SLC12A6: variants seen among roughly 807,000 people sequenced by gnomAD.
SLC12A6 encodes the protein K-Cl cotransporter 3.
In SLC12A6, 66 loss-of-function variants were observed where a neutral mutation model predicts 135.3. The observed-to-expected ratio is 0.49, with a 90% CI of 0.40 to 0.60. SLC12A6 has a LOEUF of 0.60. Among genes scored for constraint, SLC12A6 ranks in the 20% least tolerant of loss-of-function variants. The probability of loss-of-function intolerance (pLI) is 0.00; values close to 1 mark genes in which losing one functional copy is unlikely to be tolerated. For missense variants in SLC12A6, 1,058 were observed against 1,452.3 expected (o/e 0.73, Z 4.41); for synonymous variants, 513 against 508.8 (o/e 1.01, Z -0.11).
rs377182155 is a variant in SLC12A6, at chr15:34,250,739, T to C, written c.1493-10A>G. 93 of 1,546,422 alleles carry C rather than the reference T, an allele frequency of 6.0e-5. No individual in the cohort carries two copies. The highest frequency in any genetic ancestry group is 7.6e-5 in the Non-Finnish European group (85 of 1,118,564). On this transcript the variant is annotated splice_polypyrimidine_tract_variant and intron_variant, in intron 11 of 25. Transcript: ENST00000354181. Reference sequence around the variant, plus strand: ...GATCCAGCCATGATACCTTTAGAGATAAGGGGGAAAAAACCAAGTTAACTT... The same window carrying C: ...GATCCAGCCATGATACCTTTAGAGACAAGGGGGAAAAAACCAAGTTAACTT...
intron 3 of SLC12A6, among the ~76,000 whole-genome samples, chr15:34,262,556 G>A (rs1002161784): frequency 5.9e-5 from 9 of 152,166 alleles, no homozygotes; most frequent in East Asian, 1.9e-4. Context: ...CCCACGCGAC[G>A]GGAAGCAGCA....
chr15:34,291,944 G>A (rs1011914647), intron 2 of SLC12A6, among the ~76,000 whole-genome samples: 13 of 151,948 alleles, frequency 8.6e-5, no homozygotes, highest in Non-Finnish European at 1.3e-4. Flanking sequence ...CCTTTAGCTC[G>A]GAGAAGTTTG....
At position 34,285,786 on chromosome 15, in the gene SLC12A6, A is replaced by G. The variant is rs890020037; in HGVS notation, c.272-10397T>C. On this transcript the variant is annotated intron_variant, in intron 2 of 25. Coordinates refer to ENST00000354181, the MANE Select transcript of SLC12A6 (RefSeq NM_001365088.1). ...AATTCAGACACATGCTACAACATGG[A>G]TGAATCTTGACAGCAATACACTAAA... 1.5e-4 allele frequency among the ~76,000 whole-genome samples: 23 copies of G among 150,794 alleles called. 1 individual carries two copies. The highest frequency in any genetic ancestry group is 1.3e-3 in the Admixed American group (19 of 15,088).
chr15:34,255,366 G>C lies in SLC12A6; in HGVS notation c.772C>G (p.Arg258Gly). The change falls in exon 8 of 26, where the codon CGG becomes GGG. Residue 258 changes from arginine to glycine, a missense_variant. By Grantham distance (125) the Arg-to-Gly change is moderately radical (BLOSUM62 -2). Transcript: ENST00000354181. The stretch of plus-strand genomic sequence containing the variant: ...CCACCAAACTCTGGGCCCAGTGCCC[G>C]GGAAATCATAAAGTATGAGCCCCCA... The part of the protein sequence containing the change: ...PAGGSYFMIS[R>G]ALGPEFGGAV... 1 of 1,609,976 alleles carries C rather than the reference G, an allele frequency of 6.2e-7. No homozygotes were observed. Among genetic ancestry groups the C allele is most frequent in the Non-Finnish European group, 8.5e-7 (1 of 1,176,200 alleles).
At chr15:34,284,768 A>G (rs1484728603) in intron 2 of SLC12A6, among the ~76,000 whole-genome samples, 1 of 152,190 alleles carries the variant, frequency 6.6e-6, no homozygotes, top group Non-Finnish European at 1.5e-5. Context: ...AAACAAACAA[A>G]AAAGCTGAGT....
In SLC12A6 at chr15:34,237,412, T is replaced by C. The variant is rs1891342601; in HGVS notation, c.2934+7A>G. 6.2e-7 allele frequency: 1 copy of C among 1,611,218 alleles called. No individual in the cohort carries two copies. Among genetic ancestry groups the C allele is most frequent in the South Asian group, 1.1e-5 (1 of 90,928 alleles). ...AACCTCTTGTATCTCAAACTCAGCT[T>C]TCTCACCATCTCCACCACTTCTACC... On this transcript the variant is annotated splice_region_variant and intron_variant, in intron 22 of 25. Transcript: ENST00000354181.
chr15:34,267,509 G>C (rs1367605929), intron 3 of SLC12A6, among the ~76,000 whole-genome samples: 1 of 152,134 alleles, frequency 6.6e-6, no homozygotes, highest in Non-Finnish European at 1.5e-5. Context: ...AGCATCCCTG[G>C]CCTCTACTCA....
chr15:34,299,157 G>A (rs1896076000), intron 2 of SLC12A6, among the ~76,000 whole-genome samples: 1 of 152,102 alleles, frequency 6.6e-6, no homozygotes, highest in African/African-American at 2.4e-5. Context: ...GAAATCTCAG[G>A]CTGGGGGATG....
At position 34,250,502 on chromosome 15, in the gene SLC12A6, C is replaced by A; in HGVS notation, c.1591+129G>T. ...TTTTGAATTTTCTATATGAGGTAGG[C>A]AGATAATCTGGCAAGAAGTGAAGTG... On this transcript the variant is annotated intron_variant, in intron 12 of 25. Transcript: ENST00000354181. 6 of 825,586 alleles carry A rather than the reference C, an allele frequency of 7.3e-6. No homozygotes were observed. The South Asian group carries it at 8.2e-5, about 11-fold the overall frequency. The allele number at this position is 825,586 out of a possible 1,614,324, so 51.1% of individuals were successfully genotyped here.
intron 24 of SLC12A6, among the ~76,000 whole-genome samples, 186 bp downstream of exon 24, chr15:34,235,829 G>A (rs536175598): frequency 6.6e-6 from 1 of 152,316 alleles, no homozygotes; most frequent in African/African-American, 2.4e-5. Flanking sequence ...GGTGAACTAT[G>A]TGGATAGAGG....
At chr15:34,328,548 G>A (rs573173911) in intron 2 of SLC12A6, among the ~76,000 whole-genome samples, 1 of 152,256 alleles carries the variant, frequency 6.6e-6, no homozygotes, top group East Asian at 1.9e-4. Context: ...CTGCAGTTTT[G>A]TGCTTGTACC....
intron 6 of SLC12A6, among the ~76,000 whole-genome samples, chr15:34,257,276 T>G (rs1243921270): frequency 2.0e-5 from 3 of 152,228 alleles, no homozygotes; most frequent in Non-Finnish European, 4.4e-5. Flanking sequence ...TAACCTGTCT[T>G]GTTTCTCAAT....
chr15:34,236,113 C>T lies in SLC12A6; in HGVS notation c.3129G>A (p.Glu1043=). ...CTTTTGTCCAAGTCATGTGCACCTT[C>T]TCCTGATAGGTTTCTGTCTCTTCGT... The part of the protein sequence containing the change: ...DEDEETETYQ[E]KVHMTWTKDK... Residue 1043 remains glutamate, a synonymous_variant, in exon 24 of 26, where the codon GAG becomes GAA. Coordinates refer to ENST00000354181, the MANE Select transcript of SLC12A6 (RefSeq NM_001365088.1). The T allele has an allele frequency of 1.2e-6, 2 of 1,613,528 alleles. No homozygotes were observed. The highest frequency in any genetic ancestry group is 1.7e-6 in the Non-Finnish European group (2 of 1,179,394).
At chr15:34,255,950 AGAGT>A (rs1892727372) in intron 7 of SLC12A6, among the ~76,000 whole-genome samples, 1 of 152,148 alleles carries the variant, frequency 6.6e-6, no homozygotes, top group Non-Finnish European at 1.5e-5. Flanking sequence ...CCTGGGTGAC[AGAGT>A]GAGACTCTGT....
chr15:34,268,294 CT>C (rs201336644), intron 3 of SLC12A6, among the ~76,000 whole-genome samples: 1 of 152,138 alleles, frequency 6.6e-6, no homozygotes, highest in African/African-American at 2.4e-5. Context: ...TGCTTGCTTA[CT>C]TTTTTTAGAA....
At chr15:34,263,115 A>G (rs1028429572) in intron 3 of SLC12A6, among the ~76,000 whole-genome samples, 1 of 152,084 alleles carries the variant, frequency 6.6e-6, no homozygotes, top group Non-Finnish European at 1.5e-5. Context: ...CTCTAAATCC[A>G]AAATAAAAGT....
At chr15:34,290,032 T>C (rs1895406198) in intron 2 of SLC12A6, among the ~76,000 whole-genome samples, 1 of 152,234 alleles carries the variant, frequency 6.6e-6, no homozygotes, top group Admixed American at 6.5e-5. Context: ...TTTGAATTTG[T>C]CTGCTCTTGC....
upstream of SLC12A6, chr15:34,337,822 G>C (rs1890298864): frequency 6.6e-6 from 1 of 152,124 alleles, no homozygotes; most frequent in South Asian, 2.1e-4. Flanking sequence ...CGCTGCCGGG[G>C]CTGGCGCCCC....
At chr15:34,236,390 G>T (rs899752575) in intron 23 of SLC12A6, among the ~76,000 whole-genome samples, 191 bp from the exon 24 acceptor site, 9 of 151,938 alleles carry the variant, frequency 5.9e-5, no homozygotes, top group African/African-American at 2.2e-4. Flanking sequence ...CTGTCACGCA[G>T]GCTGGAGTGC....
Sources: gnomAD v4.1 joint callset for allele counts (sites outside exome capture counted in the v4.1 genomes callset) on GRCh38, gnomAD v4.1.1 for gene constraint, MANE v1.5 for transcripts, NCBI Gene and HGNC (gene_info 2026-07-23, HGNC 2026-07-21) for gene names.